Variants in SDAD1 observed in about 807,000 individuals in gnomAD.
The protein encoded by SDAD1 is SDA1 domain containing 1, also known as protein SDA1 homolog.
SDAD1 carries 79 observed loss-of-function variants against 100.3 expected under a neutral mutation model. The observed-to-expected ratio is 0.79, with a 90% CI of 0.66 to 0.95. SDAD1 has a LOEUF of 0.95. Ranked by LOEUF, SDAD1 falls within the 40% of genes least tolerant of loss-of-function variation. The pLI is 0.00. For synonymous variants in SDAD1, 267 were observed against 271.4 expected (o/e 0.98, Z 0.16); for missense variants, 790 against 810.9 (o/e 0.97, Z 0.31).
In SDAD1 at chr4:75,967,340, G is replaced by T. The variant is rs766870853; in HGVS notation, c.988-6C>A. 1.9e-6 allele frequency: 3 copies of T among 1,613,724 alleles called. No homozygotes were observed. Among genetic ancestry groups the T allele is most frequent in the Non-Finnish European group, 8.5e-7 (1 of 1,179,758 alleles). ...TAGAAATTGAAGAGGAAAAGCTGTG[G>T]AGAGAAAACCGACTTTAATACTGAT... On this transcript the variant is annotated splice_region_variant and splice_polypyrimidine_tract_variant and intron_variant, in intron 11 of 21. Transcript: ENST00000356260.
intron 1 of SDAD1, among the ~76,000 whole-genome samples, chr4:75,984,790 C>A (rs529828171): frequency 2.8e-4 from 42 of 148,146 alleles, no homozygotes; most frequent in African/African-American, 3.9e-4. Flanking sequence ...CACACACACA[C>A]ACACACACAC....
intron 1 of SDAD1, among the ~76,000 whole-genome samples, chr4:75,988,700 T>C (rs1174318567): frequency 6.6e-6 from 1 of 152,210 alleles, no homozygotes; most frequent in African/African-American, 2.4e-5. Context: ...GCCTTACATA[T>C]AGCAGGTAAT....
chr4:75,982,602 T>A (rs923687897), intron 1 of SDAD1, among the ~76,000 whole-genome samples: 3 of 152,124 alleles, frequency 2.0e-5, no homozygotes, highest in East Asian at 1.9e-4. Flanking sequence ...TGAGCTATGA[T>A]CATGCCACTG....
chr4:75,973,376 A>G lies in SDAD1; in HGVS notation c.652T>C (p.Leu218=). 2 of 1,613,496 alleles carry G rather than the reference A, an allele frequency of 1.2e-6. No individual in the cohort carries two copies. Among genetic ancestry groups the G allele is most frequent in the Non-Finnish European group, 1.7e-6 (2 of 1,179,614 alleles). The change falls in exon 8 of 22, where the codon TTG becomes CTG. Residue 218 remains leucine (L), a synonymous_variant. Coordinates refer to ENST00000356260, the MANE Select transcript of SDAD1 (RefSeq NM_018115.4). ...SKVTKILVAA[L]TFFLGKDEDE... ...TCATCTTTCCCAAGAAAGAATGTCAAAGCGGCAACTAATATCTAAACACCA... is the reference window on the plus strand; with the variant it reads ...TCATCTTTCCCAAGAAAGAATGTCAGAGCGGCAACTAATATCTAAACACCA...
intron 1 of SDAD1, 48 bp downstream of exon 1, chr4:75,990,704 C>T (rs1368010376): frequency 6.2e-7 from 1 of 1,611,946 alleles, no homozygotes; most frequent in Non-Finnish European, 8.5e-7. Flanking sequence ...ACCGGCGTCT[C>T]AACCATCCAC....
chr4:75,974,645 GTTGCAGTGAGCCAAGATCACACCA>G (rs1730056482), intron 6 of SDAD1, among the ~76,000 whole-genome samples: 1 of 152,092 alleles, frequency 6.6e-6, no homozygotes, highest in Admixed American at 6.6e-5. Flanking sequence ...GGAGGCGGAG[GTTGCAGTGAGCCAAGATCACACCA>G]TTGCACTCCA....
Position 75,984,764 on chromosome 4 carries a change from CACACACACACACAA to C in SDAD1, c.91-2741_91-2728del, listed in dbSNP as rs1364092387. Among the ~76,000 whole-genome samples, 165 of 136,734 alleles carry C rather than the reference CACACACACACACAA, an allele frequency of 1.2e-3. 2 individuals are homozygous for C. The highest frequency in any genetic ancestry group is 5.6e-3 in the Admixed American group (72 of 12,900). 89.7% of individuals were successfully genotyped at this position (136,734 alleles called of 152,430 possible). On this transcript the variant is annotated intron_variant, in intron 1 of 21. Coordinates refer to ENST00000356260, the MANE Select transcript of SDAD1 (RefSeq NM_018115.4). ...CTATGTCTTTAAATTATGTGACATA[CACACACACACACAA>C]ACACACACACACACACACACACACA...
chr4:75,985,080 G>A (rs1730810125), intron 1 of SDAD1, among the ~76,000 whole-genome samples: 1 of 152,006 alleles, frequency 6.6e-6, no homozygotes, highest in Non-Finnish European at 1.5e-5. Context: ...TTATGCTACT[G>A]ACAAAATCCT....
chr4:75,988,375 A>G (rs1452415570), intron 1 of SDAD1, among the ~76,000 whole-genome samples: 1 of 151,984 alleles, frequency 6.6e-6, no homozygotes. Context: ...AGGTCTTTAT[A>G]CCTTCTGTTC....
chr4:75,961,341 C>T (rs201154587), intron 14 of SDAD1, 33 bp from the exon 15 acceptor site: 19 of 1,489,042 alleles, frequency 1.3e-5, no homozygotes, highest in Middle Eastern at 1.7e-4. Context: ...TAAAAGAGCC[C>T]GAATAGCAAT....
intron 6 of SDAD1, among the ~76,000 whole-genome samples, chr4:75,974,459 T>C (rs906915318): frequency 2.0e-5 from 3 of 149,414 alleles, no homozygotes; most frequent in African/African-American, 4.9e-5. Context: ...CTCATTCCTG[T>C]AATCCCAGCA....
At chr4:75,981,638 A>G (rs990878969) in intron 2 of SDAD1, 168 bp from the exon 3 acceptor site, 2 of 1,173,666 alleles carry the variant, frequency 1.7e-6, no homozygotes, top group East Asian at 2.6e-5. Context: ...TCCAACATTT[A>G]TCATGGTTTC....
At chr4:75,976,231 T>C (rs764686603) in intron 4 of SDAD1, among the ~76,000 whole-genome samples, 3 of 152,186 alleles carry the variant, frequency 2.0e-5, no homozygotes, top group Non-Finnish European at 2.9e-5. Context: ...CTCCTAGGTA[T>C]ATATCCTAGA....
rs777712136 is a variant in SDAD1 at position 75,950,123 on chromosome 4, C to T, written c.*627G>A. ...ATGGCATTCAAAACAAAAACAAAAA[C>T]AAAAAAAACACGGGGGGGGGGGGGT... On this transcript the variant is annotated 3_prime_UTR_variant, in exon 22 of 22. Coordinates refer to ENST00000356260, the MANE Select transcript of SDAD1 (RefSeq NM_018115.4). 1 of 78,946 alleles carries T rather than the reference C, an allele frequency of 1.3e-5. No individual in the cohort carries two copies. Among genetic ancestry groups the T allele is most frequent in the Non-Finnish European group, 2.4e-5 (1 of 42,102 alleles). 4.9% of individuals were successfully genotyped at this position (78,946 alleles called of 1,614,324 possible). A position where few individuals can be genotyped will look rare whatever the true frequency, so the allele number is the denominator to read the frequency against.
chr4:75,964,388 C>T (rs1203810267), intron 13 of SDAD1, among the ~76,000 whole-genome samples, 177 bp from the exon 14 acceptor site: 1 of 152,212 alleles, frequency 6.6e-6, no homozygotes, highest in East Asian at 1.9e-4. Context: ...CTTAGGAATT[C>T]AGTGTTTTTC....
chr4:75,960,036 G>T, intron 17 of SDAD1, 30 bp downstream of exon 17: 1 of 1,594,610 alleles, frequency 6.3e-7, no homozygotes. Context: ...GGAGTGTTTT[G>T]CCCAAAATAA....
At chr4:75,989,579 T>C (rs764429858) in intron 1 of SDAD1, among the ~76,000 whole-genome samples, 7 of 152,214 alleles carry the variant, frequency 4.6e-5, no homozygotes, top group Admixed American at 1.3e-4. Flanking sequence ...AATACCCACA[T>C]AGGCTCAGCG....
At chr4:75,988,697 A>G (rs1428018978) in intron 1 of SDAD1, among the ~76,000 whole-genome samples, 1 of 152,210 alleles carries the variant, frequency 6.6e-6, no homozygotes, top group Non-Finnish European at 1.5e-5. Flanking sequence ...TGTGCCTTAC[A>G]TATAGCAGGT....
chr4:75,980,487 A>T (rs1229043380), intron 3 of SDAD1, among the ~76,000 whole-genome samples: 1 of 152,246 alleles, frequency 6.6e-6, no homozygotes, highest in Non-Finnish European at 1.5e-5. Flanking sequence ...TTTGAAAAGC[A>T]GATGTATTAA....
Sources: gnomAD v4.1 joint callset for allele counts (sites outside exome capture counted in the v4.1 genomes callset) on GRCh38, gnomAD v4.1.1 for gene constraint, MANE v1.5 for transcripts, NCBI Gene and HGNC (gene_info 2026-07-23, HGNC 2026-07-21) for gene names.